RFX3: variants seen among roughly 807,000 people sequenced by gnomAD.
RFX3 encodes regulatory factor X3.
A neutral mutation model predicts 98.6 loss-of-function variants in RFX3; 14 were observed. The observed-to-expected ratio is 0.14, with a 90% CI of 0.09 to 0.22. The LOEUF (loss-of-function observed/expected upper bound fraction) is 0.22. Ranked by LOEUF, RFX3 falls within the 10% of genes least tolerant of loss-of-function variation. The pLI is 1.00. For synonymous variants in RFX3, 383 were observed against 328.4 expected, an observed-to-expected ratio of 1.17 and a Z score of -1.80; for missense variants, 639 against 926.9, an observed-to-expected ratio of 0.69 and a Z score of 4.03.
At chr9:3,432,740 T>C (rs1019125740) in intron 1 of RFX3, among the ~76,000 whole-genome samples, 4 of 152,246 alleles carry the variant, frequency 2.6e-5, no homozygotes, top group Non-Finnish European at 5.9e-5. Context: ...GTAGAAGCAA[T>C]GCCAGAAAAC....
At chr9:3,400,391 C>T (rs1016105711) in intron 1 of RFX3, 1 of 160,820 alleles carries the variant, frequency 6.2e-6, no homozygotes, top group African/African-American at 2.4e-5. Flanking sequence ...CCAGCTGTAC[C>T]TATAAACCAC....
intron 1 of RFX3, among the ~76,000 whole-genome samples, chr9:3,455,127 G>A (rs757350473): frequency 6.6e-6 from 1 of 152,030 alleles, no homozygotes; most frequent in African/African-American, 2.4e-5. Context: ...TTTAAATCAG[G>A]TACTCTTCTA....
rs1468324065 is a variant in RFX3, at chr9:3,237,255, GA to G, written c.1969-8367del. Among the ~76,000 whole-genome samples the G allele has an allele frequency of 1.1e-4, 16 of 152,202 alleles. 1 individual carries two copies. The highest frequency in any genetic ancestry group is 2.4e-4 in the Non-Finnish European group (16 of 67,986). ...TGTTGTTTGTGTTTTTCAAAGCATT[GA>G]ATTAGTTTGCCTTTGATTACCACTT... On this transcript the variant is annotated intron_variant, in intron 15 of 16. Transcript: ENST00000617270.
rs567854314 is a variant in RFX3, at chr9:3,224,926, A to C, written c.*116T>G. The C allele has an allele frequency of 9.8e-7, 1 of 1,022,412 alleles. No individual in the cohort carries two copies. Among genetic ancestry groups the C allele is most frequent in the South Asian group, 1.6e-5 (1 of 61,336 alleles). 63.3% of individuals were successfully genotyped at this position (1,022,412 alleles called of 1,614,324 possible). Reference sequence around the variant, plus strand: ...TTCCATTTCACAACTCCAAAAAGTTAATGTTCAGCACAGATAGAATTTGAC... The same window carrying C: ...TTCCATTTCACAACTCCAAAAAGTTCATGTTCAGCACAGATAGAATTTGAC... On this transcript the variant is annotated 3_prime_UTR_variant, in exon 17 of 17. Transcript: ENST00000617270.
At chr9:3,485,900 G>A (rs1264636611) in intron 1 of RFX3, among the ~76,000 whole-genome samples, 8 of 151,972 alleles carry the variant, frequency 5.3e-5, no homozygotes, top group Admixed American at 1.3e-4. Flanking sequence ...CGAGGTGGGC[G>A]GATCACCTGA....
intron 1 of RFX3, among the ~76,000 whole-genome samples, chr9:3,439,264 A>G (rs887743848): frequency 4.6e-5 from 7 of 152,016 alleles, no homozygotes; most frequent in African/African-American, 1.4e-4. Flanking sequence ...ACCCTGAGAA[A>G]TCAGTACAAG....
chr9:3,417,192 A>G (rs948470358), intron 1 of RFX3, among the ~76,000 whole-genome samples: 6 of 152,076 alleles, frequency 3.9e-5, no homozygotes, highest in African/African-American at 1.4e-4. Flanking sequence ...CAGAACTCCA[A>G]TATACATAAA....
At chr9:3,244,097 G>C (rs1162997116) in intron 15 of RFX3, among the ~76,000 whole-genome samples, 3 of 151,868 alleles carry the variant, frequency 2.0e-5, no homozygotes, top group African/African-American at 7.3e-5. Flanking sequence ...CACCTCCTGG[G>C]TTCAAGCAAT....
intron 9 of RFX3, among the ~76,000 whole-genome samples, chr9:3,271,559 C>G (rs1269821723): frequency 8.1e-6 from 1 of 124,050 alleles, no homozygotes; most frequent in African/African-American, 2.9e-5. Context: ...CTCTTTCTCT[C>G]TCTCTTTCTT....
At chr9:3,287,988 T>G in intron 7 of RFX3, 143 bp downstream of exon 7, 1 of 816,046 alleles carries the variant, frequency 1.2e-6, no homozygotes, top group Non-Finnish European at 1.9e-6. Flanking sequence ...AAATTCTAAA[T>G]CATATTTAAG....
chr9:3,499,099 A>C lies in RFX3; in HGVS notation c.-9+26648T>G, dbSNP rs148688470. On this transcript the variant is annotated intron_variant, in intron 1 of 16. Coordinates refer to ENST00000617270, the MANE Select transcript of RFX3 (RefSeq NM_001282116.2). ...AATGTATCCTCAGAATCCCTAACTA[A>C]TTTGGTAAAACAAACAATGAACAGA... Among the ~76,000 whole-genome samples, 1,185 of 152,232 alleles carry C rather than the reference A, an allele frequency of 7.8e-3. 2 individuals are homozygous for C. Among genetic ancestry groups the C allele is most frequent in the Admixed American group, 0.013 (202 of 15,272 alleles).
chr9:3,523,493 T>A (rs759555401), intron 1 of RFX3, among the ~76,000 whole-genome samples: 2 of 152,158 alleles, frequency 1.3e-5, no homozygotes, highest in East Asian at 3.8e-4. Context: ...TAAGTTCTGC[T>A]CTCAAATCAA....
chr9:3,300,484 G>T (rs908992617), intron 5 of RFX3, among the ~76,000 whole-genome samples: 6 of 151,372 alleles, frequency 4.0e-5, no homozygotes, highest in African/African-American at 1.5e-4. Flanking sequence ...ATTTTTCAAA[G>T]ATCAAATACT....
chr9:3,241,381 A>G (rs1314035169), intron 15 of RFX3, among the ~76,000 whole-genome samples: 2 of 152,172 alleles, frequency 1.3e-5, no homozygotes, highest in African/African-American at 2.4e-5. Context: ...AGTTATAAGC[A>G]AATTTTCTCC....
At chr9:3,416,663 G>T (rs1224654013) in intron 1 of RFX3, among the ~76,000 whole-genome samples, 5 of 152,014 alleles carry the variant, frequency 3.3e-5, no homozygotes, top group African/African-American at 1.2e-4. Flanking sequence ...ATTATTTGAA[G>T]GTACACTGTG....
intron 13 of RFX3, 63 bp from the exon 14 acceptor site, chr9:3,257,262 G>C (rs1001216243): frequency 1.5e-6 from 2 of 1,342,672 alleles, no homozygotes; most frequent in African/African-American, 2.9e-5. Context: ...TTGAATGCCA[G>C]CACACACACT....
At chr9:3,444,666 C>G (rs1462662109) in intron 1 of RFX3, among the ~76,000 whole-genome samples, 2 of 151,996 alleles carry the variant, frequency 1.3e-5, no homozygotes, top group African/African-American at 4.8e-5. Context: ...TGAGAAGCCT[C>G]AAAAAAGGAA....
intron 1 of RFX3, among the ~76,000 whole-genome samples, chr9:3,522,982 A>C (rs1818868344): frequency 1.3e-5 from 2 of 152,212 alleles, no homozygotes; most frequent in South Asian, 4.1e-4. Context: ...CTGGAGGAAT[A>C]ATACAAAAAA....
chr9:3,484,804 G>C (rs770952909), intron 1 of RFX3, among the ~76,000 whole-genome samples: 2 of 152,102 alleles, frequency 1.3e-5, no homozygotes, highest in Non-Finnish European at 2.9e-5. Flanking sequence ...GTAAACAAAG[G>C]CTGGGTGCAG....
Sources: allele counts gnomAD v4.1 joint callset (sites outside exome capture counted in the v4.1 genomes callset), GRCh38; gene constraint gnomAD v4.1.1; transcripts MANE v1.5; gene names NCBI Gene and HGNC (gene_info 2026-07-23, HGNC 2026-07-21).